Variants in AKT1 observed in about 807,000 individuals in gnomAD.
AKT1 encodes the protein AKT serine/threonine kinase 1, also known as RAC-alpha serine/threonine-protein kinase.
A neutral mutation model predicts 63.1 loss-of-function variants in AKT1; 21 were observed. The ratio of observed to expected loss-of-function variants is 0.33; its 90% CI spans 0.24 to 0.48. The LOEUF is 0.48. AKT1 is among the 20% of genes least tolerant of loss of function. The probability of loss-of-function intolerance (pLI) is 0.99; values close to 1 mark genes in which losing one functional copy is unlikely to be tolerated. For synonymous variants in AKT1, 257 were observed against 253.1 expected (o/e 1.02, Z -0.15); for missense variants, 382 against 666.0 (o/e 0.57, Z 4.69).
At chr14:104,770,990 G>GC (rs1212247518) in intron 13 of AKT1, 143 bp from the exon 14 acceptor site, 24 of 689,892 alleles carry the variant, frequency 3.5e-5, no homozygotes, top group East Asian at 1.9e-4. Context: ...CAAGCCACCA[G>GC]CCCCCCACAG....
chr14:104,787,573 G>A (rs1893398871), intron 3 of AKT1, among the ~76,000 whole-genome samples: 1 of 152,226 alleles, frequency 6.6e-6, no homozygotes, highest in African/African-American at 2.4e-5. Context: ...AGTTCCCTCC[G>A]CTCAGCCTCG....
At chr14:104,776,450 A>G in intron 5 of AKT1, 1 of 520,090 alleles carries the variant, frequency 1.9e-6, no homozygotes, top group South Asian at 2.5e-5. Flanking sequence ...CCCGGTCCCT[A>G]GCCAGTTTTT....
chr14:104,772,277 G>A (rs1892433228), intron 13 of AKT1, 88 bp downstream of exon 13: 1 of 1,426,254 alleles, frequency 7.0e-7, no homozygotes, highest in Admixed American at 1.7e-5. Flanking sequence ...CGAGTGTGTG[G>A]GAAATCTGGC....
intron 4 of AKT1, among the ~76,000 whole-genome samples, chr14:104,779,178 A>C (rs993760340): frequency 1.3e-5 from 2 of 152,134 alleles, no homozygotes; most frequent in African/African-American, 4.8e-5. Flanking sequence ...CCCCCGCTAC[A>C]GGTAAGGAAT....
chr14:104,789,371 C>T (rs890427731), intron 3 of AKT1, among the ~76,000 whole-genome samples: 5 of 152,222 alleles, frequency 3.3e-5, no homozygotes, highest in Non-Finnish European at 7.3e-5. Flanking sequence ...GGGCAGCTCT[C>T]CACGGGGCTA....
In AKT1 at chr14:104,769,809, C is replaced by T. The variant is rs1209947076; in HGVS notation, c.*532G>A. ...CCAGGGGCCCAGCCTCCGATGACGT[C>T]CTCAGAGACACGGCCTTAGTGCTGG... On this transcript the variant is annotated 3_prime_UTR_variant, in exon 15 of 15. Coordinates refer to ENST00000649815, the MANE Select transcript of AKT1 (RefSeq NM_001382430.1). 2.6e-6 allele frequency: 1 copy of T among 391,428 alleles called. No individual in the cohort carries two copies. Among genetic ancestry groups the T allele is most frequent in the East Asian group, 5.0e-5 (1 of 19,872 alleles). 24.2% of individuals were successfully genotyped at this position (391,428 alleles called of 1,614,324 possible).
intron 3 of AKT1, among the ~76,000 whole-genome samples, chr14:104,781,100 G>C (rs977841903): frequency 6.6e-6 from 1 of 152,246 alleles, no homozygotes; most frequent in African/African-American, 2.4e-5. Context: ...AGCTGTCCTC[G>C]GTGATAGCCC....
chr14:104,771,468 A>G (rs898569025), intron 13 of AKT1: 1 of 232,040 alleles, frequency 4.3e-6, no homozygotes, highest in African/African-American at 2.2e-5. Flanking sequence ...AGCATTGTCC[A>G]TTGTCAATTA....
chr14:104,792,803 C>T (rs1893696620), intron 2 of AKT1, 81 bp from the exon 3 acceptor site: 3 of 828,656 alleles, frequency 3.6e-6, no homozygotes, highest in Admixed American at 2.0e-5. Flanking sequence ...CAGAGACCCA[C>T]TGCACGTGCC....
chr14:104,779,052 G>C (rs1431934906), intron 4 of AKT1, among the ~76,000 whole-genome samples: 1 of 152,194 alleles, frequency 6.6e-6, no homozygotes, highest in Non-Finnish European at 1.5e-5. Context: ...TCCAGGACAG[G>C]GACACAGAAA....
rs1595242097 is a variant in AKT1, at chr14:104,773,090, C to T, written c.960G>A (p.Val320=). 1 of 1,613,948 alleles carries T rather than the reference C, an allele frequency of 6.2e-7. No individual in the cohort carries two copies. The highest frequency in any genetic ancestry group is 8.5e-7 in the Non-Finnish European group (1 of 1,179,938). Residue 320 remains valine (V), a splice_region_variant and synonymous_variant, in exon 12 of 15, where the codon GTG becomes GTA. Transcript: ENST00000649815. ...CACGGCCGTAGTCATTGTCCTCCAG[C>T]ACCTGCACGGGTGGCAGATGGGCAG... ...CGTPEYLAPE[V]LEDNDYGRAV...
intron 8 of AKT1, 106 bp from the exon 9 acceptor site, chr14:104,774,086 C>A: frequency 1.9e-6 from 2 of 1,049,610 alleles, no homozygotes; most frequent in Non-Finnish European, 2.9e-6. Context: ...TGATACCACA[C>A]CGCCCGTAGC....
chr14:104,775,085 G>A lies in AKT1; in HGVS notation c.558C>T (p.Ile186=), dbSNP rs34670300. ...YAMKILKKEV[I]VAKDEVAHTL... ...ACCGCCCCGGCCCCACCTTGGCCAC[G>A]ATGACTTCCTTCTTGAGGATCTTCA... The change falls in exon 7 of 15, where the codon ATC becomes ATT. Residue 186 remains isoleucine (I), a synonymous_variant. Transcript: ENST00000649815. 3.9e-3 allele frequency: 6,223 copies of A among 1,610,512 alleles called. 219 individuals are homozygous for A. The African/African-American group carries it at 0.073, about 19-fold the overall frequency.
intron 4 of AKT1, among the ~76,000 whole-genome samples, chr14:104,779,027 C>A (rs1364065985): frequency 6.6e-6 from 1 of 152,222 alleles, no homozygotes; most frequent in Non-Finnish European, 1.5e-5. Flanking sequence ...CTGGCTGCCA[C>A]AGGCAGAGCT....
At position 104,795,699 on chromosome 14, in the gene AKT1, C is replaced by CGCTG. The variant is rs1310165557; in HGVS notation, c.-477_-474dup. 2.7e-5 allele frequency: 4 copies of CGCTG among 146,180 alleles called. No individual in the cohort carries two copies. The highest frequency in any genetic ancestry group is 6.1e-5 in the Non-Finnish European group (4 of 65,650). The allele number at this position is 146,180 out of a possible 1,614,324, so 9.1% of individuals were successfully genotyped here. On this transcript the variant is annotated 5_prime_UTR_variant, in exon 1 of 15. Transcript: ENST00000649815. This position sits in a 1 kb window ranked among gnomAD's most constrained non-coding sequence, Gnocchi z 5.1. Reference sequence around the variant, plus strand: ...GCCGCCTGCTCCCGTCTTCGGGCCGCGCTGCGTGCGCTGGGCCAGCCGCCT... The same window carrying CGCTG: ...GCCGCCTGCTCCCGTCTTCGGGCCGCGCTGGCTGCGTGCGCTGGGCCAGCCGCCT...
intron 10 of AKT1, 38 bp from the exon 11 acceptor site, chr14:104,773,417 C>CCCCAGGGCCCT: frequency 6.2e-7 from 1 of 1,614,048 alleles, no homozygotes; most frequent in East Asian, 2.2e-5. Flanking sequence ...GCCGCCAGGC[C>CCCCAGGGCCCT]CCCAGGGCCC....
chr14:104,792,857 C>T lies in AKT1; in HGVS notation c.-79-135G>A, dbSNP rs902688591. 48 of 619,662 alleles carry T rather than the reference C, an allele frequency of 7.7e-5. 1 individual carries two copies. Among genetic ancestry groups the T allele is most frequent in the Admixed American group, 1.3e-4 (5 of 37,588 alleles). The allele number at this position is 619,662 out of a possible 1,614,324, so 38.4% of individuals were successfully genotyped here. A position where few individuals can be genotyped will look rare whatever the true frequency, so the allele number is the denominator to read the frequency against. On this transcript the variant is annotated intron_variant, in intron 2 of 14. Coordinates refer to ENST00000649815, the MANE Select transcript of AKT1 (RefSeq NM_001382430.1). ...CTGCCTTCCCAGGTGGGCTGCCATC[C>T]CTCTAAGCTCTCTGACCCCCATCTG...
Position 104,770,214 on chromosome 14 carries a change from G to A in AKT1, c.*127C>T, listed in dbSNP as rs904653860. 2 of 1,051,862 alleles carry A rather than the reference G, an allele frequency of 1.9e-6. No homozygotes were observed. The highest frequency in any genetic ancestry group is 1.6e-5 in the African/African-American group (1 of 63,548). The allele number at this position is 1,051,862 out of a possible 1,614,324, so 65.2% of individuals were successfully genotyped here. ...ACAGCACAAAAACGTCTTTCCATCT[G>A]GGCTCGAGAGGACAGCGTGGCTTCT... On this transcript the variant is annotated 3_prime_UTR_variant, in exon 15 of 15. Coordinates refer to ENST00000649815, the MANE Select transcript of AKT1 (RefSeq NM_001382430.1).
Position 104,773,030 on chromosome 14 carries a change from G to T in AKT1, c.1020C>A (p.Tyr340Ter). 2 of 1,614,134 alleles carry T rather than the reference G, an allele frequency of 1.2e-6. No homozygotes were observed. Among genetic ancestry groups the T allele is most frequent in the Non-Finnish European group, 1.7e-6 (2 of 1,180,024 alleles). Residue 340 changes from tyrosine to a stop codon, truncating the protein, a stop_gained, in exon 12 of 15, where the codon TAC (tyrosine) becomes TAA (stop). Coordinates refer to ENST00000649815, the MANE Select transcript of AKT1 (RefSeq NM_001382430.1). LOFTEE classifies it high-confidence loss of function. ...VDWWGLGVVM[Y>*]EMMCGRLPFY... ...AGGGCAGGCGACCGCACATCATCTCGTACATGACCACGCCCAGCCCCCACC... is the reference window on the plus strand; with the variant it reads ...AGGGCAGGCGACCGCACATCATCTCTTACATGACCACGCCCAGCCCCCACC...
Sources: gnomAD v4.1 joint callset for allele counts (sites outside exome capture counted in the v4.1 genomes callset) on GRCh38, gnomAD v4.1.1 for gene constraint, Gnocchi (gnomAD v3.1) non-coding constraint, MANE v1.5 for transcripts, NCBI Gene and HGNC (gene_info 2026-07-23, HGNC 2026-07-21) for gene names.